The following AQR variants were observed in gnomAD, a reference collection of about 807,000 sequenced individuals.
AQR encodes aquarius intron-binding spliceosomal factor, also known as RNA helicase aquarius.
AQR carries 61 observed loss-of-function variants against 180.5 expected under a neutral mutation model. The ratio of observed to expected loss-of-function variants is 0.34; its 90% CI spans 0.28 to 0.42. AQR has a LOEUF of 0.42. AQR is among the 10% of genes least tolerant of loss of function. The pLI is 1.00. For synonymous variants in AQR, 551 were observed against 588.8 expected (o/e 0.94, Z 0.93); for missense variants, 1,281 against 1,798.3 (o/e 0.71, Z 5.20).
chr15:34,906,807 T>A (rs2140479241), intron 17 of AQR, 95 bp from the exon 18 acceptor site: 1 of 1,192,512 alleles, frequency 8.4e-7, no homozygotes, highest in South Asian at 1.6e-5. Context: ...CTCTTATCTT[T>A]GGTAGAGAGA....
At chr15:34,883,095 G>T (rs761786025) in intron 26 of AQR, among the ~76,000 whole-genome samples, 3 of 152,124 alleles carry the variant, frequency 2.0e-5, no homozygotes, top group Non-Finnish European at 2.9e-5. Flanking sequence ...GTAGGAAGTG[G>T]TATTATCAGA....
Position 34,874,019 on chromosome 15 carries a change from C to A in AQR, c.3426-20G>T. ...CACAAGCTTTCCAAAGACAAATTCC[C>A]CCACAAACAGAAAATATTAGCAGTG... On this transcript the variant is annotated intron_variant, in intron 29 of 34. Transcript: ENST00000156471. 1 of 1,574,916 alleles carries A rather than the reference C, an allele frequency of 6.3e-7. No individual in the cohort carries two copies.
At chr15:34,891,961 A>T (rs1051375709) in intron 23 of AQR, among the ~76,000 whole-genome samples, 3 of 152,172 alleles carry the variant, frequency 2.0e-5, no homozygotes, top group African/African-American at 4.8e-5. Context: ...AAATGAACTG[A>T]AGAGTATTAT....
intron 23 of AQR, among the ~76,000 whole-genome samples, chr15:34,891,943 T>C (rs911785433): frequency 6.6e-6 from 1 of 152,128 alleles, no homozygotes; most frequent in Non-Finnish European, 1.5e-5. Flanking sequence ...TATAAAAATA[T>C]GTCAGGCAAA....
At chr15:34,955,260 G>A (rs1185053319) in intron 3 of AQR, among the ~76,000 whole-genome samples, 2 of 152,124 alleles carry the variant, frequency 1.3e-5, no homozygotes. Context: ...GCCTGACACT[G>A]TGCCAAGGAC....
intron 11 of AQR, among the ~76,000 whole-genome samples, chr15:34,931,000 C>G (rs1055273964): frequency 6.6e-6 from 1 of 151,992 alleles, no homozygotes; most frequent in Non-Finnish European, 1.5e-5. Context: ...CCATGCCTGG[C>G]TAATTTTTTG....
intron 17 of AQR, among the ~76,000 whole-genome samples, chr15:34,909,288 G>T (rs1050800860): frequency 2.0e-5 from 3 of 152,158 alleles, no homozygotes; most frequent in African/African-American, 7.2e-5. Flanking sequence ...ACCTCTCACA[G>T]GACAGCTGGG....
At chr15:34,958,291 G>A (rs1389519293) in intron 3 of AQR, among the ~76,000 whole-genome samples, 1 of 152,164 alleles carries the variant, frequency 6.6e-6, no homozygotes, top group Non-Finnish European at 1.5e-5. Context: ...AAAGTGGGCA[G>A]ACTGCTTGAG....
At chr15:34,944,176 A>C (rs1414143711) in intron 6 of AQR, 112 bp downstream of exon 6, 3 of 1,021,238 alleles carry the variant, frequency 2.9e-6, no homozygotes, top group Non-Finnish European at 4.1e-6. Flanking sequence ...CATTATCCTT[A>C]TTGCCTGCTA....
At chr15:34,950,972 T>G (rs1021830843) in intron 4 of AQR, among the ~76,000 whole-genome samples, 1 of 152,196 alleles carries the variant, frequency 6.6e-6, no homozygotes, top group African/African-American at 2.4e-5. Flanking sequence ...TCTTAAAATC[T>G]CTTAGATGAG....
chr15:34,947,449 C>T (rs1279099094), intron 5 of AQR, among the ~76,000 whole-genome samples: 1 of 147,462 alleles, frequency 6.8e-6, no homozygotes, highest in Admixed American at 6.8e-5. Context: ...CTTCCCTCCA[C>T]TATTGTCCTG....
At chr15:34,913,237 T>A (rs2140482377) in intron 16 of AQR, among the ~76,000 whole-genome samples, 1 of 152,314 alleles carries the variant, frequency 6.6e-6, no homozygotes, top group Non-Finnish European at 1.5e-5. Flanking sequence ...CTACTCCTCT[T>A]ACCCCTTTCT....
chr15:34,891,783 C>T (rs894098467), intron 23 of AQR, among the ~76,000 whole-genome samples: 1 of 152,024 alleles, frequency 6.6e-6, no homozygotes, highest in African/African-American at 2.4e-5. Flanking sequence ...TTTATCAAGA[C>T]AAAGTCCAAA....
At chr15:34,961,633 A>T (rs980058640) in intron 2 of AQR, among the ~76,000 whole-genome samples, 324 of 147,430 alleles carry the variant, frequency 2.2e-3, no homozygotes, top group Non-Finnish European at 3.7e-3. Flanking sequence ...AAAAAAAAAA[A>T]AGAATTCTGA....
chr15:34,867,292 G>T (rs1345923480), intron 32 of AQR, among the ~76,000 whole-genome samples: 1 of 151,998 alleles, frequency 6.6e-6, no homozygotes, highest in East Asian at 1.9e-4. Context: ...ATCTCTGAGG[G>T]TTACTAAAGG....
chr15:34,966,629 G>A (rs75362072), intron 1 of AQR, among the ~76,000 whole-genome samples: 7,773 of 152,172 alleles, frequency 0.051, 282 homozygotes, highest in African/African-American at 0.1. Context: ...TATTCCCCAT[G>A]TACTCCCAGC....
At chr15:34,932,253 G>A (rs1893875945) in intron 11 of AQR, 65 bp downstream of exon 11, 1 of 1,365,468 alleles carries the variant, frequency 7.3e-7, no homozygotes, top group Non-Finnish European at 1.0e-6. Context: ...TCCCAGTTGT[G>A]TGGCAAAGAA....
intron 21 of AQR, 124 bp from the exon 22 acceptor site, chr15:34,897,090 T>C (rs916444429): frequency 1.4e-6 from 1 of 714,166 alleles, no homozygotes; most frequent in African/African-American, 1.8e-5. Context: ...TCTCAATCTC[T>C]TCTGAATGAC....
At chr15:34,969,432 C>T (rs1022199981) in intron 1 of AQR, 107 bp downstream of exon 1, 1 of 1,158,146 alleles carries the variant, frequency 8.6e-7, no homozygotes, top group Non-Finnish European at 1.3e-6. Flanking sequence ...AATTAACAAA[C>T]GAATGCCTCC....
Sources: gnomAD v4.1 joint callset for allele counts (sites outside exome capture counted in the v4.1 genomes callset) on GRCh38, gnomAD v4.1.1 for gene constraint, MANE v1.5 for transcripts, NCBI Gene and HGNC (gene_info 2026-07-23, HGNC 2026-07-21) for gene names.